Variants in PLXNA4 observed in about 807,000 individuals in gnomAD.
PLXNA4 encodes the protein plexin A4, also known as plexin-A4.
PLXNA4 carries 44 observed loss-of-function variants against 191.8 expected under a neutral mutation model. That is an observed-to-expected ratio of 0.23 (90% CI 0.18 to 0.29). The LOEUF (loss-of-function observed/expected upper bound fraction) is 0.29, where lower values mean the gene tolerates loss of function less well. Among genes scored for constraint, PLXNA4 ranks in the 10% least tolerant of loss-of-function variants. PLXNA4 has a pLI of 1.00. For synonymous variants in PLXNA4, 1,082 were observed against 1,009.5 expected (o/e 1.07, Z -1.36); for missense variants, 1,800 against 2,488.8 (o/e 0.72, Z 5.89).
intron 10 of PLXNA4, among the ~76,000 whole-genome samples, chr7:132,206,050 ACG>A (rs3085217): frequency 0.77 from 116,678 of 151,990 alleles, 45,889 homozygotes; most frequent in African/African-American, 0.94. Flanking sequence ...GTGCACACAC[ACG>A]CATAGACACA....
intron 3 of PLXNA4, among the ~76,000 whole-genome samples, chr7:132,467,387 C>T (rs1796748742): frequency 6.6e-6 from 1 of 152,216 alleles, no homozygotes. Flanking sequence ...GAGGTATTTG[C>T]TGTCCCCCTG....
chr7:132,251,051 C>CTTT (rs34455636), intron 4 of PLXNA4, among the ~76,000 whole-genome samples: 39 of 130,032 alleles, frequency 3.0e-4, no homozygotes, highest in African/African-American at 7.9e-4. Flanking sequence ...CTGTTCCAGC[C>CTTT]TTTTTTTTTT....
chr7:132,205,808 T>TTAC (rs1797597773), intron 10 of PLXNA4, among the ~76,000 whole-genome samples: 11 of 152,158 alleles, frequency 7.2e-5, no homozygotes, highest in Non-Finnish European at 2.9e-5. Context: ...CTCTCAGGCC[T>TTAC]AGGTCTGGCC....
At chr7:132,224,662 C>T (rs1798254276) in intron 8 of PLXNA4, among the ~76,000 whole-genome samples, 1 of 152,150 alleles carries the variant, frequency 6.6e-6, no homozygotes, top group Admixed American at 6.5e-5. Flanking sequence ...CTCTGCTTCC[C>T]CAGAGGGGAA....
chr7:132,131,094 T>C (rs956881026), intron 31 of PLXNA4, among the ~76,000 whole-genome samples: 8 of 152,116 alleles, frequency 5.3e-5, no homozygotes, highest in Non-Finnish European at 1.2e-4. Flanking sequence ...CTTTGCCTGT[T>C]AAAAAACAAA....
chr7:132,358,648 T>C (rs1803807689), intron 3 of PLXNA4, among the ~76,000 whole-genome samples: 1 of 152,244 alleles, frequency 6.6e-6, no homozygotes, highest in Admixed American at 6.5e-5. Flanking sequence ...ATGCCTACTC[T>C]ATGACAGTGA....
chr7:132,267,081 C>A (rs1208495175), intron 4 of PLXNA4, among the ~76,000 whole-genome samples: 1 of 152,154 alleles, frequency 6.6e-6, no homozygotes. Flanking sequence ...GGCTTGGGGT[C>A]TGAGGAATAC....
At chr7:132,641,678 T>C (rs1803745799) in intron 2 of PLXNA4, among the ~76,000 whole-genome samples, 3 of 152,240 alleles carry the variant, frequency 2.0e-5, no homozygotes, top group Admixed American at 2.0e-4. Flanking sequence ...ATCAAATTGA[T>C]ACCCTGCTAT....
Position 132,484,808 on chromosome 7 carries a change from G to A in PLXNA4, c.1371+4484C>T, listed in dbSNP as rs374423692. 5.0e-6 allele frequency: 8 copies of A among 1,613,754 alleles called. No homozygotes were observed. In the African/African-American group the frequency reaches 9.3e-5, roughly 19 times the overall value. The stretch of plus-strand genomic sequence containing the variant: ...TAGTTAAAGTGGATTCAAATTTCCA[G>A]AGTAATTTTAGGAAGAATTCCCAGG... On this transcript the variant is annotated intron_variant, in intron 3 of 31. Coordinates refer to ENST00000321063, the MANE Select transcript of PLXNA4 (RefSeq NM_020911.2).
At chr7:132,440,750 C>T (rs1417081306) in intron 3 of PLXNA4, among the ~76,000 whole-genome samples, 1 of 152,138 alleles carries the variant, frequency 6.6e-6, no homozygotes, top group Non-Finnish European at 1.5e-5. Context: ...GGGGTCAAGG[C>T]CTAGCTGCTG....
intron 3 of PLXNA4, among the ~76,000 whole-genome samples, chr7:132,397,111 G>T (rs919483009): frequency 1.3e-5 from 2 of 152,212 alleles, no homozygotes. Flanking sequence ...AGCCTTCTCC[G>T]CATCTCAGCC....
At chr7:132,484,698 T>G in intron 3 of PLXNA4, 2 of 1,472,048 alleles carry the variant, frequency 1.4e-6, no homozygotes, top group Admixed American at 2.0e-5. Flanking sequence ...CCTAGTCTAT[T>G]TGGTGTTCCA....
At chr7:132,392,002 C>T (rs1793513727) in intron 3 of PLXNA4, among the ~76,000 whole-genome samples, 1 of 152,056 alleles carries the variant, frequency 6.6e-6, no homozygotes, top group Non-Finnish European at 1.5e-5. Context: ...GTGGCAGGTA[C>T]CTGTAATGCA....
At chr7:132,299,917 A>G (rs756300844) in intron 3 of PLXNA4, among the ~76,000 whole-genome samples, 2 of 152,194 alleles carry the variant, frequency 1.3e-5, no homozygotes, top group East Asian at 1.9e-4. Context: ...TTGCGGCTCA[A>G]AGATCTGTGG....
At position 132,444,975 on chromosome 7, in the gene PLXNA4, C is replaced by A. The variant is rs924565440; in HGVS notation, c.1371+44317G>T. On this transcript the variant is annotated intron_variant, in intron 3 of 31. Coordinates refer to ENST00000321063, the MANE Select transcript of PLXNA4 (RefSeq NM_020911.2). Reference sequence around the variant, plus strand: ...TCAGGAGATCCAGACCATGGTGAAACCCTGTCTCTACTTAAAAAATACAAA... The same window carrying A: ...TCAGGAGATCCAGACCATGGTGAAAACCTGTCTCTACTTAAAAAATACAAA... Among the ~76,000 whole-genome samples, 3 of 151,152 alleles carry A rather than the reference C, an allele frequency of 2.0e-5. No homozygotes were observed. In the South Asian group the frequency reaches 6.3e-4, roughly 32 times the overall value.
chr7:132,252,334 T>TG (rs1156981627), intron 4 of PLXNA4, among the ~76,000 whole-genome samples: 4 of 125,220 alleles, frequency 3.2e-5, no homozygotes, highest in African/African-American at 1.2e-4. Context: ...TTTTTTGAGA[T>TG]GGAGTCTCAC....
intron 2 of PLXNA4, among the ~76,000 whole-genome samples, chr7:132,607,581 G>GTA (rs1322450176): frequency 6.6e-6 from 1 of 152,216 alleles, no homozygotes; most frequent in Non-Finnish European, 1.5e-5. Context: ...GGCCCCTTAT[G>GTA]AGGGGCTATG....
rs897629513 is a variant in PLXNA4 at position 132,473,075 on chromosome 7, G to A, written c.1371+16217C>T. 3.3e-5 allele frequency among the ~76,000 whole-genome samples: 5 copies of A among 152,366 alleles called. No individual in the cohort carries two copies. In the East Asian group the frequency reaches 9.6e-4, roughly 29 times the overall value. ...CAGCAGCAGGCAGAAGGTAGAGAGA[G>A]TGGGGGCACATTCCCTCTTATTTAC... On this transcript the variant is annotated intron_variant, in intron 3 of 31. Transcript: ENST00000321063.
chr7:132,509,611 C>A (rs1798627619), intron 1 of PLXNA4, among the ~76,000 whole-genome samples: 1 of 152,182 alleles, frequency 6.6e-6, no homozygotes. Context: ...GGTTCGCAAT[C>A]TTAACTGCTA....
Sources: allele counts gnomAD v4.1 joint callset (sites outside exome capture counted in the v4.1 genomes callset), GRCh38; gene constraint gnomAD v4.1.1; transcripts MANE v1.5; gene names NCBI Gene and HGNC (gene_info 2026-07-23, HGNC 2026-07-21).